The following TOGARAM1 variants were observed in gnomAD, a reference collection of about 807,000 sequenced individuals.
TOGARAM1 encodes TOG array regulator of axonemal microtubules 1.
In TOGARAM1, 100 loss-of-function variants were observed where a neutral mutation model predicts 166.6. The observed-to-expected ratio is 0.60, with a 90% CI of 0.51 to 0.71. The LOEUF is 0.71. TOGARAM1 is among the 30% of genes least tolerant of loss of function. The probability of loss-of-function intolerance (pLI) is 0.00; values close to 1 mark genes in which losing one functional copy is unlikely to be tolerated. For synonymous variants in TOGARAM1, 758 were observed against 763.8 expected (o/e 0.99, Z 0.13); for missense variants, 2,029 against 2,102.7 (o/e 0.96, Z 0.69).
chr14:45,015,645 G>C (rs1185454536), intron 7 of TOGARAM1, among the ~76,000 whole-genome samples: 1 of 151,334 alleles, frequency 6.6e-6, no homozygotes, highest in Non-Finnish European at 1.5e-5. Flanking sequence ...GGCACTGTGC[G>C]GAGCCCTTTA....
chr14:44,980,847 CT>C (rs982914934), intron 1 of TOGARAM1, among the ~76,000 whole-genome samples: 3 of 152,030 alleles, frequency 2.0e-5, no homozygotes, highest in Admixed American at 6.6e-5. Context: ...GGGGTCTTTT[CT>C]TTTTAAAACA....
At chr14:45,022,657 C>T (rs190066541) in intron 7 of TOGARAM1, among the ~76,000 whole-genome samples, 2 of 150,990 alleles carry the variant, frequency 1.3e-5, no homozygotes, top group African/African-American at 4.8e-5. Context: ...ATGAGGTTCC[C>T]CATTCATTTC....
At chr14:45,045,573 ATATATATATATG>A (rs1566660378) in intron 13 of TOGARAM1, among the ~76,000 whole-genome samples, 631 of 39,356 alleles carry the variant, frequency 0.016, 4 homozygotes, top group Non-Finnish European at 0.022. Context: ...ATATATATAT[ATATATATATATG>A]TGTGTGTGTG....
At chr14:45,052,647 ATTTG>A in intron 15 of TOGARAM1, 85 bp downstream of exon 15, 2 of 1,240,372 alleles carry the variant, frequency 1.6e-6, no homozygotes, top group Non-Finnish European at 2.2e-6. Context: ...ATAATTATTT[ATTTG>A]ATTATTTCTC....
Position 45,068,476 on chromosome 14 carries a change from T to C in TOGARAM1, c.4802T>C (p.Leu1601Pro). The stretch of plus-strand genomic sequence containing the variant: ...CATGATTCTAATAGTAAAGTAAATC[T>C]GGTGGCTCTGGAAACAATGCACAAA... ...RLHDSNSKVN[L>P]VALETMHKMI... is the part of the protein sequence containing the mutation. The change falls in exon 18 of 20, where the codon CTG becomes CCG. Residue 1601 changes from leucine to proline, a missense_variant. Physicochemically the swap from Leu to Pro is moderately conservative, Grantham distance 98. Transcript: ENST00000361462. 6.2e-7 allele frequency: 1 copy of C among 1,613,134 alleles called. No individual in the cohort carries two copies. Among genetic ancestry groups the C allele is most frequent in the Non-Finnish European group, 8.5e-7 (1 of 1,179,522 alleles).
At chr14:45,052,019 C>T (rs74549446) in intron 14 of TOGARAM1, among the ~76,000 whole-genome samples, 3,357 of 152,308 alleles carry the variant, frequency 0.022, 48 homozygotes, top group Middle Eastern at 0.071. Context: ...CATTAGCCTA[C>T]GCTTAGACAG....
intron 1 of TOGARAM1, among the ~76,000 whole-genome samples, chr14:44,968,989 A>C (rs904400650): frequency 6.6e-6 from 1 of 152,206 alleles, no homozygotes; most frequent in Admixed American, 6.5e-5. Flanking sequence ...CATTTCCAGA[A>C]TGTCACATAC....
At chr14:45,058,492 A>C (rs1594700915) in intron 16 of TOGARAM1, among the ~76,000 whole-genome samples, 2 of 152,120 alleles carry the variant, frequency 1.3e-5, no homozygotes, top group South Asian at 4.2e-4. Context: ...ACGGGGTTTC[A>C]CTATGTTGGC....
chr14:44,989,592 A>T (rs951712140), intron 1 of TOGARAM1, among the ~76,000 whole-genome samples: 35 of 152,080 alleles, frequency 2.3e-4, no homozygotes, highest in African/African-American at 8.2e-4. Flanking sequence ...TACTACTATA[A>T]AGAATCAGCA....
chr14:45,010,249 G>T (rs908409537), intron 6 of TOGARAM1, among the ~76,000 whole-genome samples: 8 of 152,126 alleles, frequency 5.3e-5, no homozygotes, highest in African/African-American at 1.9e-4. Context: ...TTAGAAGTTT[G>T]TTTCAGCCCC....
At chr14:44,999,836 T>C (rs1887612206) in intron 3 of TOGARAM1, among the ~76,000 whole-genome samples, 2 of 152,190 alleles carry the variant, frequency 1.3e-5, no homozygotes, top group Admixed American at 6.5e-5. Flanking sequence ...ATTTAGGATA[T>C]GCATCACCTG....
At chr14:44,975,617 T>C (rs1408513245) in intron 1 of TOGARAM1, among the ~76,000 whole-genome samples, 1 of 151,904 alleles carries the variant, frequency 6.6e-6, no homozygotes, top group African/African-American at 2.4e-5. Context: ...CAGGTGCATG[T>C]CACCACTTCT....
Position 45,028,296 on chromosome 14 carries a change from A to G in TOGARAM1, c.3625A>G (p.Arg1209Gly). 1 of 1,596,450 alleles carries G rather than the reference A, an allele frequency of 6.3e-7. No homozygotes were observed. Among genetic ancestry groups the G allele is most frequent in the South Asian group, 1.2e-5 (1 of 86,758 alleles). The part of the protein sequence containing the change: ...KKEKNSWERM[R>G]HTGTEKMASE... Reference sequence around the variant, plus strand: ...GGAAAAAAATTCCTGGGAACGAATGAGACATACAGGAACTGAGAAAATGGC... The same window carrying G: ...GGAAAAAAATTCCTGGGAACGAATGGGACATACAGGAACTGAGAAAATGGC... The change falls in exon 10 of 20, where the codon AGA (arginine) becomes GGA (glycine). Residue 1209 changes from arginine to glycine, a missense_variant. By Grantham distance (125) the Arg-to-Gly change is moderately radical (BLOSUM62 -2). Around this residue, in one of 2 missense-constraint regions of TOGARAM1, gnomAD observed 1,453 missense variants for 1,432.2 expected, o/e 1.01. Coordinates refer to ENST00000361462, the MANE Select transcript of TOGARAM1 (RefSeq NM_001308120.2).
intron 1 of TOGARAM1, among the ~76,000 whole-genome samples, chr14:44,970,163 A>G (rs923024103): frequency 1.3e-5 from 2 of 152,200 alleles, no homozygotes; most frequent in East Asian, 3.9e-4. Flanking sequence ...GAGTCTTCCT[A>G]TCCACAAACA....
At chr14:45,038,650 C>T (rs1881563630) in intron 11 of TOGARAM1, among the ~76,000 whole-genome samples, 1 of 152,242 alleles carries the variant, frequency 6.6e-6, no homozygotes, top group Non-Finnish European at 1.5e-5. Flanking sequence ...GCTTGGGAAG[C>T]TCCTAAGTCT....
chr14:45,044,748 G>C lies in TOGARAM1; in HGVS notation c.4032G>C (p.Leu1344Phe). The change falls in exon 13 of 20, where the codon TTG becomes TTC. Residue 1344 changes from leucine (L) to phenylalanine (F), a missense_variant. By Grantham distance (22) the Leu-to-Phe change is conservative. Coordinates refer to ENST00000361462, the MANE Select transcript of TOGARAM1 (RefSeq NM_001308120.2). ...DQELDTTVKVLLHKAGESNTF... is the reference protein window; with the variant it reads ...DQELDTTVKVFLHKAGESNTF... ...AGCTAGATACCACAGTAAAAGTTTT[G>C]TTGCACAAGGCTGGTGAATCAAATA... The C allele has an allele frequency of 6.2e-7, 1 of 1,613,942 alleles. No individual in the cohort carries two copies. The highest frequency in any genetic ancestry group is 8.5e-7 in the Non-Finnish European group (1 of 1,179,956).
chr14:45,073,514 AAG>A lies in TOGARAM1; in HGVS notation c.5278_5279del (p.Ser1760PhefsTer12). The A allele has an allele frequency of 6.2e-7, 1 of 1,614,088 alleles. No homozygotes were observed. Among genetic ancestry groups the A allele is most frequent in the Non-Finnish European group, 8.5e-7 (1 of 1,179,988 alleles). On this transcript the variant is annotated frameshift_variant, in exon 20 of 20. Transcript: ENST00000361462. LOFTEE classifies it high-confidence loss of function. ...QAASQPPHIK[K>X]SLEELLDMTI... is the part of the protein sequence containing the mutation. ...TGCATCTCAACCACCACATATCAAA[AAG>A]AGTTTGGAGGAATTACTCGATATGA...
At chr14:45,020,647 C>T (rs188800642) in intron 7 of TOGARAM1, among the ~76,000 whole-genome samples, 5 of 152,230 alleles carry the variant, frequency 3.3e-5, no homozygotes, top group Non-Finnish European at 4.4e-5. Flanking sequence ...ACATAGATTC[C>T]GAAAAGCCAT....
intron 7 of TOGARAM1, among the ~76,000 whole-genome samples, chr14:45,020,220 G>A (rs745808580): frequency 5.3e-5 from 8 of 152,186 alleles, no homozygotes; most frequent in South Asian, 2.1e-4. Context: ...TATGCTCTGC[G>A]TTGTATTCCA....
Sources: allele counts gnomAD v4.1 joint callset (sites outside exome capture counted in the v4.1 genomes callset), GRCh38; gene constraint gnomAD v4.1.1; regional missense constraint gnomAD v4.1.1; transcripts MANE v1.5; gene names NCBI Gene and HGNC (gene_info 2026-07-23, HGNC 2026-07-21).